RIC8B: variants seen among roughly 807,000 people sequenced by gnomAD.
The protein encoded by RIC8B is chaperone Ric-8B.
RIC8B carries 16 observed loss-of-function variants against 57.5 expected under a neutral mutation model. The observed-to-expected ratio is 0.28, with a 90% CI of 0.19 to 0.42. The LOEUF is 0.42. Ranked by LOEUF, RIC8B falls within the 10% of genes least tolerant of loss-of-function variation. The pLI is 1.00. For synonymous variants in RIC8B, 216 were observed against 250.8 expected (o/e 0.86, Z 1.31); for missense variants, 481 against 677.0 (o/e 0.71, Z 3.21).
chr12:106,869,307 C>T (rs1036475985), intron 8 of RIC8B, among the ~76,000 whole-genome samples: 4 of 152,060 alleles, frequency 2.6e-5, no homozygotes, highest in African/African-American at 4.8e-5. Flanking sequence ...GATAACAGTA[C>T]GTAGTAAGCA....
chr12:106,874,198 GTGTC>G (rs1950568129), intron 9 of RIC8B, among the ~76,000 whole-genome samples: 3 of 152,082 alleles, frequency 2.0e-5, no homozygotes, highest in African/African-American at 7.2e-5. Context: ...CTGTACTACG[GTGTC>G]TGTCTGTTAT....
At position 106,813,150 on chromosome 12, in the gene RIC8B, C is replaced by G. The variant is rs1027957841; in HGVS notation, c.133-1546C>G. On this transcript the variant is annotated intron_variant, in intron 2 of 9. Coordinates refer to ENST00000392837, the MANE Select transcript of RIC8B (RefSeq NM_001330145.2). Reference sequence around the variant, plus strand: ...TAATCTAGTGATGTCTTCAAGTATACAGTAAGAAGTGCATAGGTTATATGC... The same window carrying G: ...TAATCTAGTGATGTCTTCAAGTATAGAGTAAGAAGTGCATAGGTTATATGC... Among the ~76,000 whole-genome samples the G allele has an allele frequency of 2.0e-5, 3 of 147,748 alleles. No individual in the cohort carries two copies. In the Admixed American group the frequency reaches 2.0e-4, roughly 10 times the overall value.
At chr12:106,847,171 T>G (rs1361366787) in intron 6 of RIC8B, among the ~76,000 whole-genome samples, 1 of 152,088 alleles carries the variant, frequency 6.6e-6, no homozygotes, top group Non-Finnish European at 1.5e-5. Context: ...ATAGAAGCAA[T>G]GAGTATTTGG....
chr12:106,785,817 G>GAGCTCCAGACA (rs1566033620), intron 2 of RIC8B, among the ~76,000 whole-genome samples: 13 of 101,496 alleles, frequency 1.3e-4, no homozygotes, highest in African/African-American at 3.8e-4. Context: ...CTCTCTCTGT[G>GAGCTCCAGACA]TGTGTGTGTG....
In RIC8B at chr12:106,820,752, CAA is replaced by C. The variant is rs143154623; in HGVS notation, c.742-4971_742-4970del. 8.3e-3 allele frequency among the ~76,000 whole-genome samples: 1,258 copies of C among 152,234 alleles called. 13 individuals are homozygous for C. The highest frequency in any genetic ancestry group is 0.029 in the African/African-American group (1,196 of 41,536). ...CCATAGAAGTTAATTAGGAATGTCA[CAA>C]AAGAGGTTAGTTCCATGCTTATTTT... On this transcript the variant is annotated intron_variant, in intron 3 of 9. Coordinates refer to ENST00000392837, the MANE Select transcript of RIC8B (RefSeq NM_001330145.2).
At chr12:106,798,659 T>A (rs1302842905) in intron 2 of RIC8B, among the ~76,000 whole-genome samples, 1 of 152,168 alleles carries the variant, frequency 6.6e-6, no homozygotes, top group Non-Finnish European at 1.5e-5. Context: ...CTGTTACTTA[T>A]ATGAACTCTA....
At chr12:106,782,003 T>G (rs1165158109) in intron 1 of RIC8B, among the ~76,000 whole-genome samples, 4 of 152,242 alleles carry the variant, frequency 2.6e-5, no homozygotes, top group Middle Eastern at 3.4e-3. Context: ...CAATCTTTCT[T>G]TCCTCTCCTC....
chr12:106,877,475 C>A (rs549712357), intron 9 of RIC8B, among the ~76,000 whole-genome samples: 8 of 152,212 alleles, frequency 5.3e-5, no homozygotes, highest in African/African-American at 1.9e-4. Context: ...TGCATTACTG[C>A]TTTTTCATTC....
At chr12:106,782,390 A>G (rs1200726766) in intron 1 of RIC8B, among the ~76,000 whole-genome samples, 2 of 152,152 alleles carry the variant, frequency 1.3e-5, no homozygotes, top group African/African-American at 4.8e-5. Context: ...GTCAGTTTAT[A>G]CTGCCACCAG....
chr12:106,874,567 G>C, intron 9 of RIC8B: 1 of 1,549,344 alleles, frequency 6.5e-7, no homozygotes, highest in Non-Finnish European at 8.7e-7. Flanking sequence ...TGATGACTAA[G>C]GTTGGTCATG....
At chr12:106,798,690 G>C (rs754434166) in intron 2 of RIC8B, among the ~76,000 whole-genome samples, 32 of 151,868 alleles carry the variant, frequency 2.1e-4, no homozygotes, top group Non-Finnish European at 3.8e-4. Context: ...GCTTGTCCTA[G>C]TTTACCCATA....
chr12:106,860,152 A>T, intron 7 of RIC8B, 116 bp from the exon 8 acceptor site: 1 of 867,874 alleles, frequency 1.2e-6, no homozygotes, highest in Non-Finnish European at 1.7e-6. Flanking sequence ...AAATTCTCTC[A>T]GTTTAAAGGT....
At chr12:106,850,043 G>C (rs1009526613) in intron 6 of RIC8B, among the ~76,000 whole-genome samples, 2 of 152,204 alleles carry the variant, frequency 1.3e-5, no homozygotes, top group African/African-American at 4.8e-5. Flanking sequence ...CCTGAGCGCC[G>C]CCTACTGTCG....
intron 4 of RIC8B, among the ~76,000 whole-genome samples, chr12:106,838,390 A>G (rs546600596): frequency 6.6e-6 from 1 of 152,264 alleles, no homozygotes; most frequent in East Asian, 1.9e-4. Context: ...GAACACTTAA[A>G]TTAGCCAGGC....
Position 106,867,521 on chromosome 12 carries a change from G to A in RIC8B, c.1452-3302G>A, listed in dbSNP as rs549931926. On this transcript the variant is annotated intron_variant, in intron 8 of 9. Transcript: ENST00000392837. The surrounding 1 kb of genome is among the most constrained non-coding windows in gnomAD (Gnocchi z 4.3). ...TAACTCCAGAATTTCATAGCGTTAAGATTGAAACCTGGACTGTGGCGTCTC... is the reference window on the plus strand; with the variant it reads ...TAACTCCAGAATTTCATAGCGTTAAAATTGAAACCTGGACTGTGGCGTCTC... Among the ~76,000 whole-genome samples, 1 of 152,326 alleles carries A rather than the reference G, an allele frequency of 6.6e-6. No homozygotes were observed. The highest frequency in any genetic ancestry group is 1.9e-4 in the East Asian group (1 of 5,186).
chr12:106,801,516 G>A (rs2044730613), intron 2 of RIC8B, among the ~76,000 whole-genome samples: 1 of 152,150 alleles, frequency 6.6e-6, no homozygotes, highest in South Asian at 2.1e-4. Flanking sequence ...TGAAATTTAG[G>A]AAGTGAGATA....
At chr12:106,806,605 G>C (rs979919657) in intron 2 of RIC8B, among the ~76,000 whole-genome samples, 1 of 152,128 alleles carries the variant, frequency 6.6e-6, no homozygotes, top group African/African-American at 2.4e-5. Context: ...GCTGAGGTGG[G>C]TGGATCATGA....
chr12:106,785,044 T>C (rs550149469), intron 2 of RIC8B, among the ~76,000 whole-genome samples: 2 of 152,356 alleles, frequency 1.3e-5, no homozygotes, highest in South Asian at 4.1e-4. Context: ...GACCATGTCA[T>C]CCTTAGCCTT....
At chr12:106,810,750 T>G (rs1433721938) in intron 2 of RIC8B, among the ~76,000 whole-genome samples, 1 of 152,198 alleles carries the variant, frequency 6.6e-6, no homozygotes, top group Non-Finnish European at 1.5e-5. Flanking sequence ...TCAGAGCAGG[T>G]TAGCAGATCT....
Sources: allele counts gnomAD v4.1 joint callset (sites outside exome capture counted in the v4.1 genomes callset), GRCh38; gene constraint gnomAD v4.1.1; non-coding constraint Gnocchi (gnomAD v3.1); transcripts MANE v1.5; gene names NCBI Gene and HGNC (gene_info 2026-07-23, HGNC 2026-07-21).